The following ARHGAP26 variants were observed in gnomAD, a reference collection of about 807,000 sequenced individuals.
ARHGAP26 encodes rho GTPase-activating protein 26.
In ARHGAP26, 38 loss-of-function variants were observed where a neutral mutation model predicts 104.8. The ratio of observed to expected loss-of-function variants is 0.36; its 90% confidence interval spans 0.28 to 0.48. The LOEUF is 0.48. ARHGAP26 is among the 20% of genes least tolerant of loss of function. The pLI is 0.99. For synonymous variants in ARHGAP26, 341 were observed against 340.0 expected, an observed-to-expected ratio of 1.00 and a Z score of -0.03; for missense variants, 704 against 947.9, an observed-to-expected ratio of 0.74 and a Z score of 3.38.
chr5:142,898,077 A>G (rs1759737004), intron 6 of ARHGAP26, among the ~76,000 whole-genome samples: 1 of 152,172 alleles, frequency 6.6e-6, no homozygotes, highest in South Asian at 2.1e-4. Context: ...AGAAAAAGAA[A>G]CAGTTGTAGT....
At chr5:142,790,540 G>T (rs1435478121) in intron 1 of ARHGAP26, among the ~76,000 whole-genome samples, 1 of 152,106 alleles carries the variant, frequency 6.6e-6, no homozygotes, top group Non-Finnish European at 1.5e-5. Flanking sequence ...TTCTCATCCA[G>T]AATTTCCCAG....
intron 10 of ARHGAP26, among the ~76,000 whole-genome samples, chr5:142,931,386 A>G (rs1459596348): frequency 6.6e-6 from 1 of 152,124 alleles, no homozygotes; most frequent in Non-Finnish European, 1.5e-5. Flanking sequence ...TATTGTATGC[A>G]TGTCTTCTGG....
chr5:143,121,213 T>C, intron 18 of ARHGAP26, 66 bp downstream of exon 18: 1 of 1,532,434 alleles, frequency 6.5e-7, no homozygotes, highest in Non-Finnish European at 8.9e-7. Context: ...GGAATTGACC[T>C]TCAGAGTTGG....
chr5:142,936,795 G>A (rs1241996906), intron 11 of ARHGAP26, among the ~76,000 whole-genome samples: 1 of 150,734 alleles, frequency 6.6e-6, no homozygotes, highest in African/African-American at 2.5e-5. Context: ...TTTGAGAAAT[G>A]GTGCTTTTTA....
At chr5:142,949,435 G>T (rs912023135) in intron 11 of ARHGAP26, among the ~76,000 whole-genome samples, 2 of 152,048 alleles carry the variant, frequency 1.3e-5, no homozygotes, top group Admixed American at 1.3e-4. Flanking sequence ...CAGTCATTAT[G>T]AGTATTGTCC....
rs182982651 is a variant in ARHGAP26, at chr5:142,971,451, A to G, written c.1107+39326A>G. ...TGTTCTTGTCTCACTGAAGCCCTGG[A>G]TTAGCTGCTATCTCCTCAGCTGGGG... On this transcript the variant is annotated intron_variant, in intron 11 of 22. Transcript: ENST00000645722. Among the ~76,000 whole-genome samples the G allele has an allele frequency of 5.5e-4, 84 of 152,280 alleles. 1 individual carries two copies. Among genetic ancestry groups the G allele is most frequent in the South Asian group, 3.1e-3 (15 of 4,824 alleles).
chr5:142,937,218 A>G (rs1765553679), intron 11 of ARHGAP26, among the ~76,000 whole-genome samples: 1 of 152,214 alleles, frequency 6.6e-6, no homozygotes, highest in Non-Finnish European at 1.5e-5. Context: ...ACAGCTAAAG[A>G]GAAACAGTCC....
intron 17 of ARHGAP26, among the ~76,000 whole-genome samples, chr5:143,087,800 C>T (rs1790821793): frequency 6.6e-6 from 1 of 151,950 alleles, no homozygotes; most frequent in Non-Finnish European, 1.5e-5. Flanking sequence ...CAGGCATGTG[C>T]CACCACGCCT....
At chr5:142,903,272 G>T (rs954424609) in intron 7 of ARHGAP26, among the ~76,000 whole-genome samples, 1 of 151,916 alleles carries the variant, frequency 6.6e-6, no homozygotes. Flanking sequence ...ATCCAGAGGT[G>T]CTGAATTGAT....
At chr5:143,064,435 T>C (rs898907267) in intron 17 of ARHGAP26, among the ~76,000 whole-genome samples, 3 of 151,734 alleles carry the variant, frequency 2.0e-5, no homozygotes, top group Non-Finnish European at 2.9e-5. Flanking sequence ...ATTTATTATT[T>C]CTGATAGATG....
At chr5:143,048,511 T>G (rs1028409759) in intron 14 of ARHGAP26, among the ~76,000 whole-genome samples, 1 of 151,816 alleles carries the variant, frequency 6.6e-6, no homozygotes, top group Non-Finnish European at 1.5e-5. Context: ...TCTGCCCACC[T>G]TGGCCTCCCA....
chr5:142,802,028 TA>T (rs1762169655), intron 1 of ARHGAP26, among the ~76,000 whole-genome samples: 2 of 152,166 alleles, frequency 1.3e-5, no homozygotes, highest in African/African-American at 4.8e-5. Flanking sequence ...TGTTCCCTCT[TA>T]AATCCCTGGA....
chr5:143,227,759 T>C lies in ARHGAP26; in HGVS notation c.*5313T>C. 1 of 225,568 alleles carries C rather than the reference T, an allele frequency of 4.4e-6. No homozygotes were observed. The highest frequency in any genetic ancestry group is 8.8e-6 in the Non-Finnish European group (1 of 113,522). The allele number at this position is 225,568 out of a possible 1,614,324, so 14.0% of individuals were successfully genotyped here. ...ATTATTGAGAGGAAAAAGTGTTGGATGCAAAGTAACACCAGGACTAGAGAG... is the reference window on the plus strand; with the variant it reads ...ATTATTGAGAGGAAAAAGTGTTGGACGCAAAGTAACACCAGGACTAGAGAG... On this transcript the variant is annotated 3_prime_UTR_variant, in exon 23 of 23. Coordinates refer to ENST00000645722, the MANE Select transcript of ARHGAP26 (RefSeq NM_001135608.3).
intron 1 of ARHGAP26, among the ~76,000 whole-genome samples, chr5:142,851,415 A>G (rs561675352): frequency 3.5e-4 from 54 of 152,336 alleles, no homozygotes; most frequent in African/African-American, 1.2e-3. Flanking sequence ...CATTTTTGAC[A>G]TTAGCTAAGA....
chr5:142,995,472 A>T (rs1562226551), intron 11 of ARHGAP26, among the ~76,000 whole-genome samples: 1 of 152,240 alleles, frequency 6.6e-6, no homozygotes. Context: ...ATACCATCTC[A>T]TGCCAGTTAG....
At chr5:143,145,632 G>A (rs1799062725) in intron 19 of ARHGAP26, among the ~76,000 whole-genome samples, 1 of 152,198 alleles carries the variant, frequency 6.6e-6, no homozygotes, top group African/African-American at 2.4e-5. Flanking sequence ...TCTTGGCTCA[G>A]TGTAACTCTT....
intron 1 of ARHGAP26, among the ~76,000 whole-genome samples, chr5:142,858,567 A>C (rs1752787533): frequency 6.6e-6 from 1 of 152,222 alleles, no homozygotes; most frequent in South Asian, 2.1e-4. Context: ...ACTCTTAAAA[A>C]AGGTTACATT....
At chr5:143,211,569 A>G (rs915708078) in intron 21 of ARHGAP26, among the ~76,000 whole-genome samples, 1 of 145,550 alleles carries the variant, frequency 6.9e-6, no homozygotes, top group Non-Finnish European at 1.5e-5. Context: ...TTATTTATTT[A>G]CCTACTTACT....
At chr5:143,036,719 A>G (rs1055877701) in intron 12 of ARHGAP26, among the ~76,000 whole-genome samples, 16 of 152,176 alleles carry the variant, frequency 1.1e-4, no homozygotes, top group African/African-American at 3.6e-4. Flanking sequence ...CATCTGTAAT[A>G]TGGGCTAGTG....
Sources: allele counts gnomAD v4.1 joint callset (sites outside exome capture counted in the v4.1 genomes callset), GRCh38; gene constraint gnomAD v4.1.1; transcripts MANE v1.5; gene names NCBI Gene and HGNC (gene_info 2026-07-23, HGNC 2026-07-21).